The following ACSF3 variants were observed in gnomAD, a reference collection of about 807,000 sequenced individuals.
ACSF3 encodes acyl-CoA synthetase family member 3.
ACSF3 carries 78 observed loss-of-function variants against 53.2 expected under a neutral mutation model. The observed-to-expected ratio is 1.47, with a 90% CI of 1.22 to 1.77. ACSF3 has a LOEUF of 1.77. Among genes scored for constraint, ACSF3 ranks in the 40% most tolerant of loss-of-function variants. The pLI is 0.00. For synonymous variants in ACSF3, 414 were observed against 333.1 expected (o/e 1.24, Z -2.65); for missense variants, 937 against 771.1 (o/e 1.22, Z -2.55).
In ACSF3 at chr16:89,112,151, T is replaced by C; in HGVS notation, c.882T>C (p.Pro294=). The change falls in exon 5 of 11, where the codon CCT becomes CCC. Residue 294 remains proline, a synonymous_variant. Transcript: ENST00000614302. ...TPRINVFMAV[P]TIYTKLMEYY... is the part of the protein sequence containing the mutation. ...GGATCAATGTCTTTATGGCAGTGCC[T>C]ACAATATACACCAAGCTGATGGAGT... 8.7e-7 allele frequency: 1 copy of C among 1,146,300 alleles called. No homozygotes were observed. The highest frequency in any genetic ancestry group is 1.1e-6 in the Non-Finnish European group (1 of 917,616). The allele number at this position is 1,146,300 out of a possible 1,614,324, so 71.0% of individuals were successfully genotyped here. A position where few individuals can be genotyped will look rare whatever the true frequency, so the allele number is the denominator to read the frequency against.
Position 89,100,737 on chromosome 16 carries a change from G to T in ACSF3, c.56G>T (p.Cys19Phe). 1 of 1,605,142 alleles carries T rather than the reference G, an allele frequency of 6.2e-7. No individual in the cohort carries two copies. The highest frequency in any genetic ancestry group is 8.5e-7 in the Non-Finnish European group (1 of 1,179,746). Residue 19 changes from cysteine (C) to phenylalanine (F), a missense_variant, in exon 3 of 11, where the codon TGC becomes TTC. Cys to Phe is a radical substitution (Grantham distance 205). Transcript: ENST00000614302. The stretch of plus-strand genomic sequence containing the variant: ...CGCCTGGGCTGCGCCTTGGCGTCCT[G>T]CCGGCTGGCGCCTGCGAGACACAGA... ...FRRLGCALASCRLAPARHRGS... is the reference protein window; with the variant it reads ...FRRLGCALASFRLAPARHRGS...
At chr16:89,139,313 G>GGCTCCCAGCCCACAGCATCCTCGTCTTC (rs1911266096) in intron 8 of ACSF3, among the ~76,000 whole-genome samples, 1 of 151,988 alleles carries the variant, frequency 6.6e-6, no homozygotes, top group Non-Finnish European at 1.5e-5. Context: ...TCAGGACGTC[G>GGCTCCCAGCCCACAGCATCCTCGTCTTC]GCTCCCAGCC....
intron 7 of ACSF3, among the ~76,000 whole-genome samples, chr16:89,128,096 C>A (rs1268811178): frequency 6.6e-6 from 1 of 151,680 alleles, no homozygotes; most frequent in Non-Finnish European, 1.5e-5. Flanking sequence ...CTTCTACTTG[C>A]TTCTGGCTTT....
In ACSF3 at chr16:89,119,076, T is replaced by C. The variant is rs1324884795; in HGVS notation, c.1127-1725T>C. Among the ~76,000 whole-genome samples, 3 of 151,478 alleles carry C rather than the reference T, an allele frequency of 2.0e-5. No homozygotes were observed. In the East Asian group the frequency reaches 5.8e-4, roughly 30 times the overall value. On this transcript the variant is annotated intron_variant, in intron 6 of 10. Transcript: ENST00000614302. ...AAGCTTTCATGGGTGGCACCTGGAGTGTGGGGGCCCCTCCCTGAAGCTCTC... is the reference window on the plus strand; with the variant it reads ...AAGCTTTCATGGGTGGCACCTGGAGCGTGGGGGCCCCTCCCTGAAGCTCTC...
intron 10 of ACSF3, among the ~76,000 whole-genome samples, chr16:89,146,902 A>G (rs1267381968): frequency 6.6e-6 from 1 of 152,164 alleles, no homozygotes; most frequent in East Asian, 1.9e-4. Flanking sequence ...ACGGAAGGGT[A>G]TCCCATAGGA....
intron 1 of ACSF3, among the ~76,000 whole-genome samples, chr16:89,097,881 C>T (rs891968226): frequency 8.5e-5 from 13 of 152,178 alleles, no homozygotes; most frequent in South Asian, 6.2e-4. Context: ...AAGCAGCCCG[C>T]GGAGCTGTGC....
intron 7 of ACSF3, among the ~76,000 whole-genome samples, chr16:89,131,244 G>C (rs1909265946): frequency 7.0e-6 from 1 of 142,286 alleles, no homozygotes; most frequent in Admixed American, 7.3e-5. Context: ...TCCTACCTCA[G>C]CCTCCCAAGT....
intron 8 of ACSF3, chr16:89,141,217 TCC>T: frequency 7.8e-7 from 1 of 1,287,122 alleles, no homozygotes; most frequent in Non-Finnish European, 1.0e-6. Context: ...GATAGCAGCG[TCC>T]CAGCCTGGAA....
chr16:89,151,077 G>T (rs754763615), intron 10 of ACSF3: 4 of 1,285,466 alleles, frequency 3.1e-6, no homozygotes, highest in Non-Finnish European at 4.1e-6. Flanking sequence ...TCTAAATATC[G>T]GAAGGAAACG....
In ACSF3 at chr16:89,120,901, G is replaced by C; in HGVS notation, c.1227G>C (p.Glu409Asp). 6.2e-7 allele frequency: 1 copy of C among 1,613,934 alleles called. No homozygotes were observed. The highest frequency in any genetic ancestry group is 8.5e-7 in the Non-Finnish European group (1 of 1,179,954). Reference protein sequence around the residue: ...CSYTIHAEGDERGTKVTPGFE... With the variant: ...CSYTIHAEGDDRGTKVTPGFE... ...ACACCATCCACGCAGAGGGAGACGA[G>C]AGGGGGACCAAGGTAAGCCACTCTG... is the stretch of plus-strand genomic sequence containing the variant. Residue 409 changes from glutamate to aspartate, a missense_variant, in exon 7 of 11, where the codon GAG becomes GAC. Coordinates refer to ENST00000614302, the MANE Select transcript of ACSF3 (RefSeq NM_001243279.3).
intron 9 of ACSF3, 41 bp from the exon 10 acceptor site, chr16:89,145,896 CT>C: frequency 6.5e-7 from 1 of 1,549,314 alleles, no homozygotes; most frequent in Admixed American, 1.7e-5. Flanking sequence ...GTAAGGGTCA[CT>C]GAGGCATCCC....
At chr16:89,126,507 G>A (rs1308317336) in intron 7 of ACSF3, among the ~76,000 whole-genome samples, 1 of 152,186 alleles carries the variant, frequency 6.6e-6, no homozygotes, top group East Asian at 1.9e-4. Context: ...GACCTCAAGT[G>A]ATCTGCCCGC....
Position 89,101,249 on chromosome 16 carries a change from C to G in ACSF3, c.568C>G (p.Gln190Glu), listed in dbSNP as rs1162580314. 1.2e-6 allele frequency: 2 copies of G among 1,601,418 alleles called. No individual in the cohort carries two copies. The highest frequency in any genetic ancestry group is 1.7e-6 in the Non-Finnish European group (2 of 1,174,328). Residue 190 changes from glutamine (Q) to glutamate (E), a missense_variant, in exon 3 of 11, where the codon CAG becomes GAG. Gln to Glu is a conservative substitution (Grantham distance 29). Coordinates refer to ENST00000614302, the MANE Select transcript of ACSF3 (RefSeq NM_001243279.3). Reference sequence around the variant, plus strand: ...ACCGGCAGAGGTCCCGGTCCCAGAGCAGGGATGGAGGAACAAGGGCGCCAT... The same window carrying G: ...ACCGGCAGAGGTCCCGGTCCCAGAGGAGGGATGGAGGAACAAGGGCGCCAT... Reference protein sequence around the residue: ...EEPAEVPVPEQGWRNKGAMII... With the variant: ...EEPAEVPVPEEGWRNKGAMII...
At chr16:89,102,276 G>T in intron 3 of ACSF3, 1 of 409,858 alleles carries the variant, frequency 2.4e-6, no homozygotes, top group East Asian at 5.5e-5. Flanking sequence ...ATGGCGCTGG[G>T]TCCCTGAGTC....
intron 1 of ACSF3, among the ~76,000 whole-genome samples, chr16:89,095,553 G>A (rs1185621267): frequency 1.4e-5 from 2 of 144,200 alleles, no homozygotes; most frequent in African/African-American, 5.1e-5. Flanking sequence ...TCTCATCGGG[G>A]CAGCCGACAG....
intron 7 of ACSF3, chr16:89,122,739 C>G (rs906736274): frequency 5.2e-5 from 8 of 153,744 alleles, no homozygotes; most frequent in African/African-American, 1.7e-4. Flanking sequence ...AGCACCTGCT[C>G]TGCCGGAAAT....
At chr16:89,134,904 G>A (rs983023770) in intron 8 of ACSF3, among the ~76,000 whole-genome samples, 8 of 152,172 alleles carry the variant, frequency 5.3e-5, no homozygotes, top group Admixed American at 2.6e-4. Flanking sequence ...GATAGTGGAC[G>A]TATGTCCATG....
At chr16:89,107,205 G>A (rs945180750) in intron 4 of ACSF3, among the ~76,000 whole-genome samples, 3 of 152,214 alleles carry the variant, frequency 2.0e-5, no homozygotes, top group African/African-American at 7.2e-5. Context: ...ACATTGGGAT[G>A]TGCTGGAGGA....
At position 89,100,801 on chromosome 16, in the gene ACSF3, G is replaced by A. The variant is rs34972688; in HGVS notation, c.120G>A (p.Ser40=). 219 of 1,612,542 alleles carry A rather than the reference G, an allele frequency of 1.4e-4. 4 individuals are homozygous for A. In the South Asian group the frequency reaches 1.8e-3, roughly 14 times the overall value. Residue 40 remains serine (S), a synonymous_variant, in exon 3 of 11, where the codon TCG becomes TCA. Coordinates refer to ENST00000614302, the MANE Select transcript of ACSF3 (RefSeq NM_001243279.3). ...TGCACACAGCCCCAGTGGCCCGCTC[G>A]GACAGGAGCGCCCCGGTGTTCACCC... The part of the protein sequence containing the change: ...GLLHTAPVAR[S]DRSAPVFTRA...
Sources: allele counts gnomAD v4.1 joint callset (sites outside exome capture counted in the v4.1 genomes callset), GRCh38; gene constraint gnomAD v4.1.1; transcripts MANE v1.5; gene names NCBI Gene and HGNC (gene_info 2026-07-23, HGNC 2026-07-21).